Variants in CHD2 observed in about 807,000 individuals in gnomAD.
CHD2 encodes the protein ATP-dependent chromatin remodeler CHD2.
CHD2 carries 28 observed loss-of-function variants against 243.9 expected under a neutral mutation model. That is an observed-to-expected ratio of 0.11 (90% CI 0.09 to 0.16). CHD2 has a LOEUF of 0.16. Ranked by LOEUF, CHD2 falls within the 10% of genes least tolerant of loss-of-function variation. The pLI is 1.00. For missense variants in CHD2, 1,386 were observed against 2,209.8 expected (o/e 0.63, Z 7.47); for synonymous variants, 775 against 779.0 (o/e 0.99, Z 0.09).
Position 93,004,708 on chromosome 15 carries a change from G to C in CHD2, c.4370G>C (p.Gly1457Ala). Residue 1457 changes from glycine (G) to alanine (A), a missense_variant, in exon 34 of 39, where the codon GGA becomes GCA. By Grantham distance (60) the Gly-to-Ala change is moderately conservative. Transcript: ENST00000394196. ...GCAGGAAGTGAACCTGTCCCCATTG[G>C]AGAGGATGAGGATGATGATCTGGAC... ...ITAGSEPVPI[G>A]EDEDDDLDQE... 6.2e-7 allele frequency: 1 copy of C among 1,613,802 alleles called. No homozygotes were observed. Among genetic ancestry groups the C allele is most frequent in the Non-Finnish European group, 8.5e-7 (1 of 1,179,824 alleles).
intron 25 of CHD2, 30 bp downstream of exon 25, chr15:92,984,530 T>C (rs755106334): frequency 6.3e-7 from 1 of 1,580,350 alleles, no homozygotes; most frequent in Admixed American, 1.7e-5. Flanking sequence ...GATATGAAAT[T>C]ATTTCTTATG....
chr15:92,981,879 GAGAA>G (rs1425863176), intron 24 of CHD2, among the ~76,000 whole-genome samples: 1 of 152,218 alleles, frequency 6.6e-6, no homozygotes, highest in African/African-American at 2.4e-5. Context: ...TGGTAAGTGA[GAGAA>G]AGAGGTGTCA....
At chr15:92,977,235 T>A (rs538323103) in intron 20 of CHD2, among the ~76,000 whole-genome samples, 4 of 152,222 alleles carry the variant, frequency 2.6e-5, no homozygotes, top group Admixed American at 6.5e-5. Context: ...GCCTGGACAC[T>A]CCTGTTGATC....
At chr15:92,971,698 C>T (rs931810032) in intron 17 of CHD2, 67 bp from the exon 18 acceptor site, 2 of 1,435,248 alleles carry the variant, frequency 1.4e-6, no homozygotes, top group Non-Finnish European at 1.9e-6. Context: ...ATCTCTTATA[C>T]TCTTCTGGTA....
chr15:92,984,770 C>T (rs2054019975), intron 25 of CHD2, among the ~76,000 whole-genome samples: 2 of 152,172 alleles, frequency 1.3e-5, no homozygotes, highest in African/African-American at 4.8e-5. Flanking sequence ...TTGCATTTTG[C>T]CTTTGAGTAG....
intron 35 of CHD2, 36 bp downstream of exon 35, chr15:93,009,359 G>T: frequency 1.3e-6 from 2 of 1,594,414 alleles, no homozygotes; most frequent in South Asian, 2.2e-5. Flanking sequence ...AGTTTGATTT[G>T]ACTGAGTGTG....
At chr15:92,940,231 A>G (rs766152958) in intron 7 of CHD2, among the ~76,000 whole-genome samples, 1 of 152,174 alleles carries the variant, frequency 6.6e-6, no homozygotes, top group Non-Finnish European at 1.5e-5. Flanking sequence ...AGGCAGGCAG[A>G]TTGCTTGAGC....
intron 23 of CHD2, among the ~76,000 whole-genome samples, 189 bp from the exon 24 acceptor site, chr15:92,981,176 G>A (rs1164116097): frequency 6.7e-6 from 1 of 149,586 alleles, no homozygotes; most frequent in South Asian, 2.1e-4. Context: ...CTTGTCATTT[G>A]TATAAATTAT....
In CHD2 at chr15:93,002,158, G is replaced by A. The variant is rs769152372; in HGVS notation, c.4138-19G>A. The A allele has an allele frequency of 2.5e-6, 4 of 1,576,796 alleles. No homozygotes were observed. On this transcript the variant is annotated intron_variant, in intron 32 of 38. Coordinates refer to ENST00000394196, the MANE Select transcript of CHD2 (RefSeq NM_001271.4). Reference sequence around the variant, plus strand: ...ATAAAATTTGTAGCAAAAATTCATAGCCCTGTTTTGTTTCCTAGGATGATG... The same window carrying A: ...ATAAAATTTGTAGCAAAAATTCATAACCCTGTTTTGTTTCCTAGGATGATG...
intron 10 of CHD2, chr15:92,945,174 C>T (rs12901653): frequency 0.06 from 9,125 of 152,342 alleles, 267 homozygotes; most frequent in Non-Finnish European, 0.064. Context: ...CAGTCAAGGA[C>T]GATTAGGACT....
intron 2 of CHD2, among the ~76,000 whole-genome samples, chr15:92,910,252 T>A (rs890129966): frequency 6.6e-6 from 1 of 152,170 alleles, no homozygotes; most frequent in African/African-American, 2.4e-5. Flanking sequence ...CCACCATGCC[T>A]GGCTATATGT....
chr15:92,994,122 G>T (rs893232933), intron 28 of CHD2, among the ~76,000 whole-genome samples: 1 of 152,200 alleles, frequency 6.6e-6, no homozygotes, highest in Non-Finnish European at 1.5e-5. Flanking sequence ...TTGAGCTGTG[G>T]TTAAATCTTC....
At chr15:93,009,022 C>A in intron 34 of CHD2, 123 bp from the exon 35 acceptor site, 1 of 1,118,298 alleles carries the variant, frequency 8.9e-7, no homozygotes, top group Non-Finnish European at 1.3e-6. Flanking sequence ...GCTTTACCCA[C>A]TCTTCCTCTA....
Position 92,984,426 on chromosome 15 carries a change from G to C in CHD2, c.3163G>C (p.Val1055Leu), listed in dbSNP as rs1383508077. Reference protein sequence around the residue: ...EIIPEEQRKKVEEEERQKELE... With the variant: ...EIIPEEQRKKLEEEERQKELE... ...CATTCCAGAGGAACAAAGGAAAAAAGTAGAGGAGGAAGAGCGGCAGAAGGA... is the reference window on the plus strand; with the variant it reads ...CATTCCAGAGGAACAAAGGAAAAAACTAGAGGAGGAAGAGCGGCAGAAGGA... The change falls in exon 25 of 39, where the codon GTA becomes CTA. Residue 1055 changes from valine to leucine, a missense_variant. Around this residue, in one of 19 missense-constraint regions of CHD2, gnomAD observed 99 missense variants for 206.4 expected, o/e 0.48. Transcript: ENST00000394196. The C allele has an allele frequency of 6.2e-7, 1 of 1,613,056 alleles. No individual in the cohort carries two copies. The highest frequency in any genetic ancestry group is 8.5e-7 in the Non-Finnish European group (1 of 1,179,466).
At chr15:92,923,287 G>T (rs1366766696) in intron 2 of CHD2, among the ~76,000 whole-genome samples, 3 of 152,038 alleles carry the variant, frequency 2.0e-5, no homozygotes, top group Admixed American at 2.0e-4. Flanking sequence ...TGGAGACAGG[G>T]TCTCACTGTG....
At chr15:92,964,872 C>A (rs911599335) in intron 16 of CHD2, among the ~76,000 whole-genome samples, 2 of 152,154 alleles carry the variant, frequency 1.3e-5, no homozygotes, top group African/African-American at 4.8e-5. Flanking sequence ...GAGATTACAT[C>A]TTTTAGTGTT....
intron 2 of CHD2, among the ~76,000 whole-genome samples, chr15:92,906,661 C>CTT (rs1191384767): frequency 2.8e-5 from 3 of 107,132 alleles, no homozygotes; most frequent in African/African-American, 6.4e-5. Flanking sequence ...TGCTATGAGC[C>CTT]ATCTTTTTTT....
In CHD2 at chr15:92,997,596, C is replaced by A. The variant is rs2054203486; in HGVS notation, c.3885+193C>A. 1 of 452,096 alleles carries A rather than the reference C, an allele frequency of 2.2e-6. No homozygotes were observed. Among genetic ancestry groups the A allele is most frequent in the Non-Finnish European group, 3.6e-6 (1 of 274,170 alleles). 28.0% of individuals were successfully genotyped at this position (452,096 alleles called of 1,614,324 possible). A position where few individuals can be genotyped will look rare whatever the true frequency, so the allele number is the denominator to read the frequency against. On this transcript the variant is annotated intron_variant, in intron 30 of 38. Transcript: ENST00000394196. The surrounding 1 kb of genome is among the most constrained non-coding windows in gnomAD (Gnocchi z 4.1). Reference sequence around the variant, plus strand: ...GAAGATAAAGGGAAAAGACAGTAGCCAGGTGAAATTTTGGGGAAACTGTAG... The same window carrying A: ...GAAGATAAAGGGAAAAGACAGTAGCAAGGTGAAATTTTGGGGAAACTGTAG...
chr15:92,987,689 A>C (rs987094549), intron 26 of CHD2, among the ~76,000 whole-genome samples: 1 of 151,142 alleles, frequency 6.6e-6, no homozygotes. Context: ...TTTTGATTGC[A>C]GTATTTAATC....
Sources: allele counts gnomAD v4.1 joint callset (sites outside exome capture counted in the v4.1 genomes callset), GRCh38; gene constraint gnomAD v4.1.1; regional missense constraint gnomAD v4.1.1; non-coding constraint Gnocchi (gnomAD v3.1); transcripts MANE v1.5; gene names NCBI Gene and HGNC (gene_info 2026-07-23, HGNC 2026-07-21).